The following LURAP1L variants were observed in gnomAD, a reference collection of about 807,000 sequenced individuals.
LURAP1L encodes the protein leucine rich adaptor protein 1-like.
Under a neutral mutation model 13.8 loss-of-function variants are expected in LURAP1L, and 12 were observed. That is an observed-to-expected ratio of 0.87 (90% CI 0.56 to 1.41). The LOEUF is 1.41. Ranked by LOEUF, LURAP1L falls within the 40% of genes most tolerant of loss-of-function variation. The pLI is 0.00. For synonymous variants in LURAP1L, 139 were observed against 119.2 expected, an observed-to-expected ratio of 1.17 and a Z score of -1.08; for missense variants, 375 against 292.9, an observed-to-expected ratio of 1.28 and a Z score of -2.04.
At chr9:12,817,807 T>C (rs1371333295) in intron 1 of LURAP1L, among the ~76,000 whole-genome samples, 1 of 152,122 alleles carries the variant, frequency 6.6e-6, no homozygotes, top group Non-Finnish European at 1.5e-5. Flanking sequence ...TGTGATTTAG[T>C]TGTTTGGTGA....
chr9:12,789,902 C>T (rs949096086), intron 1 of LURAP1L, among the ~76,000 whole-genome samples: 21 of 152,154 alleles, frequency 1.4e-4, no homozygotes, highest in Non-Finnish European at 2.6e-4. Flanking sequence ...GGACAAGAAT[C>T]TGAGACCATA....
At chr9:12,821,122 C>T (rs1179277900) in intron 1 of LURAP1L, among the ~76,000 whole-genome samples, 1 of 152,138 alleles carries the variant, frequency 6.6e-6, no homozygotes, top group East Asian at 1.9e-4. Flanking sequence ...ATGATATGTT[C>T]AGGCCACTTG....
chr9:12,816,774 A>G (rs562908781), intron 1 of LURAP1L, among the ~76,000 whole-genome samples: 1 of 152,330 alleles, frequency 6.6e-6, no homozygotes, highest in Admixed American at 6.5e-5. Flanking sequence ...CTGAAGCCTG[A>G]GAGACTAAGT....
intron 1 of LURAP1L, among the ~76,000 whole-genome samples, chr9:12,800,609 A>G (rs935092811): frequency 5.3e-5 from 8 of 152,216 alleles, no homozygotes; most frequent in African/African-American, 1.9e-4. Flanking sequence ...ATTTCTGAGC[A>G]AGAATCATTC....
Position 12,781,981 on chromosome 9 carries a change from G to C in LURAP1L, c.312+5954G>C, listed in dbSNP as rs1586874495. Among the ~76,000 whole-genome samples, 5 of 152,270 alleles carry C rather than the reference G, an allele frequency of 3.3e-5. No homozygotes were observed. The Middle Eastern group carries it at 0.017, about 518-fold the overall frequency. Reference sequence around the variant, plus strand: ...TGGGGTGAGATAATATTTCATTGTAGTTTTGATTTGCATTTCTCTGGTGAT... The same window carrying C: ...TGGGGTGAGATAATATTTCATTGTACTTTTGATTTGCATTTCTCTGGTGAT... On this transcript the variant is annotated intron_variant, in intron 1 of 1. Transcript: ENST00000319264.
At chr9:12,803,800 T>G (rs1479810588) in intron 1 of LURAP1L, among the ~76,000 whole-genome samples, 1 of 152,216 alleles carries the variant, frequency 6.6e-6, no homozygotes, top group East Asian at 1.9e-4. Flanking sequence ...CACTTTAATT[T>G]CTACAGACTA....
rs569605133 is a variant in LURAP1L, at chr9:12,821,469, C to T, written c.396C>T (p.Ile132=). The T allele has an allele frequency of 2.5e-6, 4 of 1,613,902 alleles. No homozygotes were observed. The highest frequency in any genetic ancestry group is 1.1e-5 in the South Asian group (1 of 91,070). Residue 132 remains isoleucine, a synonymous_variant, in exon 2 of 2, where the codon ATC becomes ATT. Coordinates refer to ENST00000319264, the MANE Select transcript of LURAP1L (RefSeq NM_203403.2). The part of the protein sequence containing the change: ...NESIESIKWM[I]EEKATITSRG... The stretch of plus-strand genomic sequence containing the variant: ...GCATCGAGTCCATCAAGTGGATGAT[C>T]GAAGAAAAAGCCACCATTACCAGCA...
At chr9:12,811,766 AC>A (rs1819739094) in intron 1 of LURAP1L, among the ~76,000 whole-genome samples, 2 of 152,214 alleles carry the variant, frequency 1.3e-5, no homozygotes, top group African/African-American at 4.8e-5. Context: ...CCAAATCTTA[AC>A]AACTTAAAAC....
rs1239860098 is a variant in LURAP1L, at chr9:12,823,020, C to A, written c.*1260C>A. Among the ~76,000 whole-genome samples, 2 of 152,100 alleles carry A rather than the reference C, an allele frequency of 1.3e-5. No homozygotes were observed. The highest frequency in any genetic ancestry group is 1.5e-5 in the Non-Finnish European group (1 of 68,012). The stretch of plus-strand genomic sequence containing the variant: ...AATTTATTATTGTTTATTTCCAAGG[C>A]ATGTATTATTCAATTTCTAATTAAA... On this transcript the variant is annotated 3_prime_UTR_variant, in exon 2 of 2. Coordinates refer to ENST00000319264, the MANE Select transcript of LURAP1L (RefSeq NM_203403.2).
At chr9:12,794,851 A>C (rs1378625047) in intron 1 of LURAP1L, among the ~76,000 whole-genome samples, 1 of 151,714 alleles carries the variant, frequency 6.6e-6, no homozygotes, top group African/African-American at 2.4e-5. Flanking sequence ...GGCATCAACT[A>C]TATTCAATTC....
intron 1 of LURAP1L, among the ~76,000 whole-genome samples, chr9:12,794,397 G>T (rs1488591238): frequency 1.3e-5 from 2 of 151,892 alleles, no homozygotes; most frequent in Non-Finnish European, 2.9e-5. Context: ...GTGTCAACAA[G>T]ATCAAATAAC....
intron 1 of LURAP1L, among the ~76,000 whole-genome samples, chr9:12,816,960 A>G (rs147560826): frequency 3.4e-4 from 51 of 152,226 alleles, no homozygotes; most frequent in African/African-American, 1.1e-3. Flanking sequence ...CCCTTTGTTC[A>G]GTTCATTTTG....
At chr9:12,819,114 C>T (rs1222079589) in intron 1 of LURAP1L, among the ~76,000 whole-genome samples, 3 of 152,010 alleles carry the variant, frequency 2.0e-5, no homozygotes, top group Non-Finnish European at 4.4e-5. Flanking sequence ...ATTGAGACAC[C>T]CCAACAAATA....
intron 1 of LURAP1L, among the ~76,000 whole-genome samples, chr9:12,802,170 A>G (rs1241474495): frequency 2.0e-5 from 3 of 152,122 alleles, no homozygotes; most frequent in African/African-American, 7.2e-5. Context: ...TTATTAGTAC[A>G]TTTTACCCAC....
In LURAP1L at chr9:12,821,536, A is replaced by G; in HGVS notation, c.463A>G (p.Ser155Gly). The change falls in exon 2 of 2, where the codon AGT (serine) becomes GGT (glycine). Residue 155 changes from serine to glycine, a missense_variant. Ser to Gly is a moderately conservative substitution (Grantham distance 56). Coordinates refer to ENST00000319264, the MANE Select transcript of LURAP1L (RefSeq NM_203403.2). ...LSGSLCSLLE[S>G]QSTSLRGSYN... ...TGGCAGCCTGTGCAGTTTGTTGGAG[A>G]GTCAGAGCACCTCCTTACGTGGCAG... 6.2e-7 allele frequency: 1 copy of G among 1,614,110 alleles called. No individual in the cohort carries two copies. Among genetic ancestry groups the G allele is most frequent in the Non-Finnish European group, 8.5e-7 (1 of 1,180,020 alleles).
intron 1 of LURAP1L, among the ~76,000 whole-genome samples, chr9:12,815,772 G>T (rs980015878): frequency 6.6e-6 from 1 of 152,166 alleles, no homozygotes; most frequent in Non-Finnish European, 1.5e-5. Context: ...CTATTTGGAA[G>T]ATATATTCAG....
At chr9:12,803,914 C>T (rs892632909) in intron 1 of LURAP1L, among the ~76,000 whole-genome samples, 2 of 152,084 alleles carry the variant, frequency 1.3e-5, no homozygotes, top group South Asian at 4.1e-4. Context: ...AAATTATTAG[C>T]CCTGCATCAT....
intron 1 of LURAP1L, among the ~76,000 whole-genome samples, chr9:12,792,572 A>G (rs1244478715): frequency 3.3e-5 from 5 of 152,092 alleles, no homozygotes; most frequent in African/African-American, 1.2e-4. Flanking sequence ...TCTATTAATA[A>G]TGGCCTTCTC....
chr9:12,789,877 T>C (rs990572462), intron 1 of LURAP1L, among the ~76,000 whole-genome samples: 1 of 152,176 alleles, frequency 6.6e-6, no homozygotes, highest in African/African-American at 2.4e-5. Context: ...CTTTTTAGGA[T>C]TATGCAGGAA....
Sources: allele counts gnomAD v4.1 joint callset (sites outside exome capture counted in the v4.1 genomes callset), GRCh38; gene constraint gnomAD v4.1.1; transcripts MANE v1.5; gene names NCBI Gene and HGNC (gene_info 2026-07-23, HGNC 2026-07-21).